Variants in MEIG1 observed in about 807,000 individuals in gnomAD.
The protein encoded by MEIG1 is meiosis expressed gene 1 protein homolog.
MEIG1 carries 12 observed loss-of-function variants against 11.3 expected under a neutral mutation model. The observed-to-expected ratio is 1.07, with a 90% CI of 0.68 to 1.73. MEIG1 has a LOEUF of 1.73. MEIG1 is among the 40% of genes most tolerant of loss of function. The pLI is 0.00. For missense variants in MEIG1, 119 were observed against 104.9 expected (o/e 1.13, Z -0.59); for synonymous variants, 41 against 33.2 (o/e 1.24, Z -0.81).
At chr10:14,975,981 G>A (rs544677258), downstream of MEIG1, among the ~76,000 whole-genome samples, 3 of 152,276 alleles carry the variant, frequency 2.0e-5, no homozygotes, top group African/African-American at 7.2e-5. Context: ...ATTTCCAGAG[G>A]CAGAGAAGAT....
chr10:14,959,728 A>C (rs1842989860), intron 1 of MEIG1, among the ~76,000 whole-genome samples, 171 bp downstream of exon 1: 1 of 152,068 alleles, frequency 6.6e-6, no homozygotes, highest in South Asian at 2.1e-4. Context: ...CGTGATTTTT[A>C]GGGAAGAGGG....
chr10:14,960,138 A>C (rs1475287774), intron 1 of MEIG1, among the ~76,000 whole-genome samples: 1 of 101,774 alleles, frequency 9.8e-6, no homozygotes, highest in Non-Finnish European at 2.1e-5. Flanking sequence ...CTTCTCTTTA[A>C]GTTAGGAAAC....
At chr10:14,969,044 C>T (rs1244569522) in intron 2 of MEIG1, among the ~76,000 whole-genome samples, 2 of 152,166 alleles carry the variant, frequency 1.3e-5, no homozygotes, top group Non-Finnish European at 1.5e-5. Flanking sequence ...CGCCATTGCA[C>T]TCCAGCCTGG....
intron 2 of MEIG1, among the ~76,000 whole-genome samples, chr10:14,969,982 G>C (rs965612091): frequency 2.0e-5 from 3 of 152,170 alleles, no homozygotes; most frequent in African/African-American, 7.2e-5. Context: ...AAGAAGCACA[G>C]GGATTTAGAG....
intron 1 of MEIG1, among the ~76,000 whole-genome samples, chr10:14,982,548 C>T (rs1843275724): frequency 6.6e-6 from 1 of 151,894 alleles, no homozygotes; most frequent in Non-Finnish European, 1.5e-5. Context: ...GTATTGTTTT[C>T]CCAGTTGAGA....
At chr10:14,976,567 C>T (rs180980018), downstream of MEIG1, among the ~76,000 whole-genome samples, 35 of 152,150 alleles carry the variant, frequency 2.3e-4, no homozygotes, top group African/African-American at 8.4e-4. Flanking sequence ...TGTCACTCCT[C>T]ATATCACAGA....
intron 2 of MEIG1, among the ~76,000 whole-genome samples, chr10:14,972,306 C>A (rs1377888547): frequency 1.3e-5 from 2 of 152,174 alleles, no homozygotes; most frequent in Non-Finnish European, 2.9e-5. Flanking sequence ...TGAGCTACTG[C>A]ACTCGGCCTG....
upstream of MEIG1, among the ~76,000 whole-genome samples, chr10:14,955,701 A>T (rs113713821): frequency 8.7e-4 from 133 of 152,350 alleles, no homozygotes; most frequent in African/African-American, 3.0e-3. Flanking sequence ...CTGTCTCAAA[A>T]AAACAAAACA....
At chr10:14,987,476 T>C (rs1221699183) in intron 2 of MEIG1, 2 of 713,992 alleles carry the variant, frequency 2.8e-6, no homozygotes, top group East Asian at 2.7e-5. Flanking sequence ...GGAAAGAGGA[T>C]TGGAAAATAA....
intron 1 of MEIG1, among the ~76,000 whole-genome samples, chr10:14,965,921 T>G (rs896641917): frequency 1.3e-5 from 2 of 151,620 alleles, no homozygotes; most frequent in Non-Finnish European, 2.9e-5. Context: ...GGACTTGGGG[T>G]TTTTTTTGTT....
chr10:14,960,222 A>G (rs979266582), intron 1 of MEIG1, among the ~76,000 whole-genome samples: 2 of 152,188 alleles, frequency 1.3e-5, no homozygotes, highest in Non-Finnish European at 2.9e-5. Flanking sequence ...CCTCTTAAGA[A>G]CAGAAATAAT....
At chr10:14,983,594 T>C (rs1843286605) in intron 1 of MEIG1, among the ~76,000 whole-genome samples, 1 of 151,976 alleles carries the variant, frequency 6.6e-6, no homozygotes, top group Non-Finnish European at 1.5e-5. Context: ...AGGTTGATAT[T>C]ACTCCCAATA....
At chr10:14,963,825 G>A (rs7897623) in intron 1 of MEIG1, among the ~76,000 whole-genome samples, 97,257 of 151,796 alleles carry the variant, frequency 0.64, 31,428 homozygotes, top group Admixed American at 0.68. Flanking sequence ...TTGGCAAGGC[G>A]TGGTGGCTCA....
chr10:14,964,718 A>C (rs1589207100), intron 1 of MEIG1, among the ~76,000 whole-genome samples: 1 of 132,888 alleles, frequency 7.5e-6, no homozygotes. Context: ...CCTGGGTTTC[A>C]AGCGATTCTC....
chr10:14,968,474 C>T (rs532248407), intron 2 of MEIG1, among the ~76,000 whole-genome samples: 188 of 151,414 alleles, frequency 1.2e-3, no homozygotes, highest in African/African-American at 4.0e-3. Flanking sequence ...GGCAACAAAG[C>T]GAAACCCCAT....
At chr10:14,979,585 A>G (rs1386189813) in intron 1 of MEIG1, among the ~76,000 whole-genome samples, 1 of 152,012 alleles carries the variant, frequency 6.6e-6, no homozygotes, top group Admixed American at 6.6e-5. Flanking sequence ...TTAAAATCAC[A>G]GGGGCTGTCA....
At chr10:14,958,192 G>A (rs972383192), upstream of MEIG1, among the ~76,000 whole-genome samples, 1 of 152,152 alleles carries the variant, frequency 6.6e-6, no homozygotes, top group African/African-American at 2.4e-5. Context: ...GGAGGTGTTT[G>A]GGGAGGTTGT....
downstream of MEIG1, among the ~76,000 whole-genome samples, chr10:14,973,643 G>A (rs1297069067): frequency 6.6e-6 from 1 of 151,826 alleles, no homozygotes; most frequent in Non-Finnish European, 1.5e-5. Context: ...GGTGGCGGCT[G>A]CCTGTAGTCC....
At chr10:14,977,304 T>C (rs1185422150), downstream of MEIG1, among the ~76,000 whole-genome samples, 1 of 151,840 alleles carries the variant, frequency 6.6e-6, no homozygotes, top group Non-Finnish European at 1.5e-5. Flanking sequence ...TCTTCTAGGG[T>C]GATGTTAGTC....
Sources: allele counts gnomAD v4.1 joint callset (sites outside exome capture counted in the v4.1 genomes callset), GRCh38; gene constraint gnomAD v4.1.1; transcripts MANE v1.5; gene names NCBI Gene and HGNC (gene_info 2026-07-23, HGNC 2026-07-21).